CHST11: variants seen among roughly 807,000 people sequenced by gnomAD.
CHST11 encodes C4S-1.
A neutral mutation model predicts 30.4 loss-of-function variants in CHST11; 9 were observed. The observed-to-expected ratio is 0.30, with a 90% CI of 0.18 to 0.52. The LOEUF (loss-of-function observed/expected upper bound fraction) is 0.52, where lower values mean the gene tolerates loss of function less well. Ranked by LOEUF, CHST11 falls within the 20% of genes least tolerant of loss-of-function variation. CHST11 has a pLI of 0.97. For missense variants in CHST11, 348 were observed against 460.6 expected, an observed-to-expected ratio of 0.76 and a Z score of 2.24; for synonymous variants, 152 against 187.8, an observed-to-expected ratio of 0.81 and a Z score of 1.56.
chr12:104,505,086 C>A (rs1162527064), intron 1 of CHST11, among the ~76,000 whole-genome samples: 3 of 152,154 alleles, frequency 2.0e-5, no homozygotes, highest in Non-Finnish European at 4.4e-5. Context: ...CTTACAGACA[C>A]CTATTAGACT....
intron 2 of CHST11, among the ~76,000 whole-genome samples, chr12:104,615,569 C>T (rs749222284): frequency 2.0e-5 from 3 of 152,236 alleles, no homozygotes; most frequent in Non-Finnish European, 4.4e-5. Context: ...CAGCGCCTGC[C>T]GGCTGTGTGA....
At chr12:104,491,843 G>C (rs1320841054) in intron 1 of CHST11, among the ~76,000 whole-genome samples, 2 of 151,964 alleles carry the variant, frequency 1.3e-5, no homozygotes, top group Non-Finnish European at 2.9e-5. Flanking sequence ...CCACTCACTG[G>C]GGCCCACAAG....
chr12:104,639,081 T>C (rs1250562177), intron 2 of CHST11, among the ~76,000 whole-genome samples: 1 of 152,240 alleles, frequency 6.6e-6, no homozygotes, highest in Non-Finnish European at 1.5e-5. Flanking sequence ...CAGAATTGCA[T>C]GTGCCTTTCC....
intron 2 of CHST11, among the ~76,000 whole-genome samples, chr12:104,654,671 C>G (rs2039526051): frequency 6.6e-6 from 1 of 152,084 alleles, no homozygotes; most frequent in Admixed American, 6.5e-5. Context: ...GAGACTTCGG[C>G]CTGTCCACTC....
chr12:104,661,765 C>T (rs1021638788), intron 2 of CHST11, among the ~76,000 whole-genome samples: 3 of 152,146 alleles, frequency 2.0e-5, no homozygotes, highest in African/African-American at 7.2e-5. Flanking sequence ...TGCCTGGTTT[C>T]CTAGCAGCCA....
In CHST11 at chr12:104,761,499, A is replaced by G. The variant is rs1179601352; in HGVS notation, c.*3696A>G. 3 of 131,598 alleles carry G rather than the reference A, an allele frequency of 2.3e-5. No homozygotes were observed. The highest frequency in any genetic ancestry group is 5.1e-5 in the Non-Finnish European group (3 of 58,850). The allele number at this position is 131,598 out of a possible 1,614,324, so 8.2% of individuals were successfully genotyped here. On this transcript the variant is annotated 3_prime_UTR_variant, in exon 3 of 3. Coordinates refer to ENST00000303694, the MANE Select transcript of CHST11 (RefSeq NM_018413.6). The stretch of plus-strand genomic sequence containing the variant: ...CACACACACACACACACACACACAC[A>G]CAATCTCAGCTGCGCCATTCTGTGC...
chr12:104,592,155 C>T (rs1360160867), intron 1 of CHST11, among the ~76,000 whole-genome samples: 1 of 151,070 alleles, frequency 6.6e-6, no homozygotes, highest in Non-Finnish European at 1.5e-5. Context: ...CCCTTCTCTC[C>T]CTTACTCTCC....
At chr12:104,693,243 G>T (rs964964117) in intron 2 of CHST11, among the ~76,000 whole-genome samples, 2 of 152,186 alleles carry the variant, frequency 1.3e-5, no homozygotes, top group African/African-American at 4.8e-5. Context: ...CTGAAGTGCT[G>T]GGGGCTAAGA....
At chr12:104,579,197 G>C (rs189808660) in intron 1 of CHST11, among the ~76,000 whole-genome samples, 2 of 152,252 alleles carry the variant, frequency 1.3e-5, no homozygotes, top group Non-Finnish European at 2.9e-5. Context: ...CCATTCCTGG[G>C]CTCCTAGTAC....
At chr12:104,583,402 A>G (rs2038767578) in intron 1 of CHST11, among the ~76,000 whole-genome samples, 1 of 152,126 alleles carries the variant, frequency 6.6e-6, no homozygotes, top group South Asian at 2.1e-4. Context: ...GAAGGGAAGC[A>G]GGGAGTGAGG....
chr12:104,618,865 G>A (rs535549144), intron 2 of CHST11, among the ~76,000 whole-genome samples: 5 of 152,286 alleles, frequency 3.3e-5, no homozygotes, highest in African/African-American at 7.2e-5. Flanking sequence ...GGGACCAGGC[G>A]AGGCCACCTC....
chr12:104,727,033 C>G (rs982314738), intron 2 of CHST11, among the ~76,000 whole-genome samples: 1 of 152,162 alleles, frequency 6.6e-6, no homozygotes, highest in Non-Finnish European at 1.5e-5. Context: ...CCTTAGTTCA[C>G]CAGTGTAATT....
chr12:104,513,150 A>AGGGGGGG (rs2037986431), intron 1 of CHST11, among the ~76,000 whole-genome samples: 1 of 7,672 alleles, frequency 1.3e-4, no homozygotes, highest in Non-Finnish European at 2.4e-4. Context: ...GGGGGTGGGG[A>AGGGGGGG]GGGAGGGAGA....
chr12:104,527,346 C>T (rs115886723), intron 1 of CHST11, among the ~76,000 whole-genome samples: 9 of 152,290 alleles, frequency 5.9e-5, no homozygotes, highest in African/African-American at 1.9e-4. Context: ...GCTACCTTGA[C>T]CGATGGGGTA....
At chr12:104,639,428 A>G (rs2039354812) in intron 2 of CHST11, among the ~76,000 whole-genome samples, 1 of 152,206 alleles carries the variant, frequency 6.6e-6, no homozygotes, top group Non-Finnish European at 1.5e-5. Flanking sequence ...CAACCACATT[A>G]GTTTGCCTAC....
chr12:104,684,919 C>T (rs12306264), intron 2 of CHST11, among the ~76,000 whole-genome samples: 1 of 152,154 alleles, frequency 6.6e-6, no homozygotes, highest in Admixed American at 6.5e-5. Flanking sequence ...CAACCTCTTC[C>T]CTCCAAAGAC....
intron 1 of CHST11, among the ~76,000 whole-genome samples, chr12:104,488,666 T>G (rs892728090): frequency 4.6e-5 from 7 of 151,300 alleles, no homozygotes; most frequent in Non-Finnish European, 1.0e-4. Flanking sequence ...TATGTGTGCG[T>G]GTATGTGTAT....
At chr12:104,627,665 G>A (rs542404354) in intron 2 of CHST11, among the ~76,000 whole-genome samples, 31 of 152,234 alleles carry the variant, frequency 2.0e-4, no homozygotes, top group Non-Finnish European at 3.1e-4. Context: ...GCACTCCCAA[G>A]TATTTGACGG....
chr12:104,614,129 CTCTA>C (rs993842893), intron 2 of CHST11, among the ~76,000 whole-genome samples: 7 of 152,168 alleles, frequency 4.6e-5, no homozygotes, highest in African/African-American at 9.7e-5. Context: ...CTATCTATCT[CTCTA>C]TCTAAGCATC....
Sources: allele counts gnomAD v4.1 joint callset (sites outside exome capture counted in the v4.1 genomes callset), GRCh38; gene constraint gnomAD v4.1.1; transcripts MANE v1.5; gene names NCBI Gene and HGNC (gene_info 2026-07-23, HGNC 2026-07-21).